Variants in ETFA observed in about 807,000 individuals in gnomAD.
ETFA encodes electron transfer flavoprotein subunit alpha, mitochondrial.
A neutral mutation model predicts 46.2 loss-of-function variants in ETFA; 22 were observed. The ratio of observed to expected loss-of-function variants is 0.48; its 90% CI spans 0.34 to 0.68. The LOEUF (loss-of-function observed/expected upper bound fraction) is 0.68. Among genes scored for constraint, ETFA ranks in the 30% least tolerant of loss-of-function variants. The probability of loss-of-function intolerance (pLI) is 0.01; values close to 1 mark genes in which losing one functional copy is unlikely to be tolerated. For missense variants in ETFA, 345 were observed against 401.1 expected (o/e 0.86, Z 1.19); for synonymous variants, 131 against 139.9 (o/e 0.94, Z 0.45).
intron 9 of ETFA, among the ~76,000 whole-genome samples, chr15:76,269,982 A>C (rs2141509829): frequency 6.6e-6 from 1 of 152,348 alleles, no homozygotes. Flanking sequence ...ATGGCCAATA[A>C]TACAACGTGC....
At chr15:76,310,369 GAAAAA>G (rs34111559) in intron 1 of ETFA, among the ~76,000 whole-genome samples, 2,218 of 104,428 alleles carry the variant, frequency 0.021, 38 homozygotes, top group African/African-American at 0.036. Flanking sequence ...TCCATGCCCA[GAAAAA>G]AAAAAAAAAA....
chr15:76,263,182 G>C (rs1418488698), intron 9 of ETFA, among the ~76,000 whole-genome samples: 3 of 152,152 alleles, frequency 2.0e-5, no homozygotes, highest in Non-Finnish European at 2.9e-5. Context: ...TAAATAGTGT[G>C]GGCTTCCAGA....
At chr15:76,263,445 C>G (rs184824771) in intron 9 of ETFA, among the ~76,000 whole-genome samples, 8 of 152,336 alleles carry the variant, frequency 5.3e-5, no homozygotes, top group African/African-American at 1.9e-4. Flanking sequence ...GGTGAGGAAG[C>G]TGAGCGCTTG....
chr15:76,231,243 C>T, intron 10 of ETFA, 90 bp downstream of exon 10: 1 of 823,040 alleles, frequency 1.2e-6, no homozygotes. Flanking sequence ...GGCTTGACTA[C>T]ATGCATTGTA....
At chr15:76,228,915 C>A in intron 10 of ETFA, 1 of 154,376 alleles carries the variant, frequency 6.5e-6, no homozygotes, top group South Asian at 1.9e-4. Flanking sequence ...CCACCATGCC[C>A]AGCTAATTTT....
At chr15:76,261,239 G>A in intron 9 of ETFA, 10 of 1,569,104 alleles carry the variant, frequency 6.4e-6, no homozygotes, top group Non-Finnish European at 8.8e-6. Context: ...CAAGACAGTT[G>A]GAAAGGGGCA....
chr15:76,231,055 T>C (rs1352224494), intron 10 of ETFA: 4 of 394,090 alleles, frequency 1.0e-5, no homozygotes, highest in Non-Finnish European at 1.8e-5. Context: ...CACTATTTAG[T>C]AGACAAAGAA....
chr15:76,231,171 T>C, intron 10 of ETFA, 162 bp downstream of exon 10: 1 of 631,904 alleles, frequency 1.6e-6, no homozygotes, highest in Non-Finnish European at 2.9e-6. Context: ...GACCAATAAT[T>C]TTTAAGGCAG....
chr15:76,293,115 C>T (rs962038081), intron 2 of ETFA, among the ~76,000 whole-genome samples: 5 of 152,024 alleles, frequency 3.3e-5, no homozygotes, highest in Non-Finnish European at 5.9e-5. Flanking sequence ...CCAGACTGGG[C>T]GAAAGAGTGA....
intron 9 of ETFA, among the ~76,000 whole-genome samples, chr15:76,240,069 T>C (rs2039169839): frequency 6.6e-6 from 1 of 152,248 alleles, no homozygotes. Context: ...TGATGATGTT[T>C]CTTTCTTTTA....
chr15:76,235,461 T>C (rs1020236692), intron 9 of ETFA, among the ~76,000 whole-genome samples: 1 of 151,986 alleles, frequency 6.6e-6, no homozygotes, highest in African/African-American at 2.4e-5. Context: ...TACAAAAGAG[T>C]TGTGTGGACT....
chr15:76,295,936 C>CTTTTTGTTTTTTTTTTTTTTTTTTTTT (rs2039816595), intron 1 of ETFA, among the ~76,000 whole-genome samples, 199 bp from the exon 2 acceptor site: 1 of 46,602 alleles, frequency 2.1e-5, no homozygotes, highest in Admixed American at 4.0e-4. Context: ...CACTAATATT[C>CTTTTTGTTTTTTTTTTTTTTTTTTTTT]TTTTTTTTTT....
chr15:76,218,003 C>T (rs1029200144), intron 11 of ETFA, among the ~76,000 whole-genome samples: 3 of 152,252 alleles, frequency 2.0e-5, no homozygotes, highest in Admixed American at 6.5e-5. Context: ...GCTGGCACCA[C>T]TTCTCCCAGC....
At position 76,235,145 on chromosome 15, in the gene ETFA, ACTC is replaced by A. The variant is rs201711720; in HGVS notation, c.817-3750_817-3748del. The stretch of plus-strand genomic sequence containing the variant: ...CATCCAAAACACTGGAATTATAAGA[ACTC>A]CTGCTTTATAGGGTTACTGTTGAGG... On this transcript the variant is annotated intron_variant, in intron 9 of 11. Transcript: ENST00000557943. Among the ~76,000 whole-genome samples, 604 of 151,832 alleles carry A rather than the reference ACTC, an allele frequency of 4.0e-3. 3 individuals carry two copies. The highest frequency in any genetic ancestry group is 0.014 in the African/African-American group (570 of 41,388).
Position 76,216,562 on chromosome 15 carries a change from T to C in ETFA, c.999A>G (p.Lys333=). Residue 333 remains lysine, a synonymous_variant, in exon 12 of 12, where the codon AAA becomes AAG. Transcript: ENST00000557943. ...CTTTTTAAGGCATGATCCTGATTCA[T>C]TTTTTCTTCAATATCTCAGTCATTT... is the stretch of plus-strand genomic sequence containing the variant. ...VPEMTEILKK[K] is the part of the protein sequence containing the mutation. 1 of 1,577,198 alleles carries C rather than the reference T, an allele frequency of 6.3e-7. No individual in the cohort carries two copies.
rs1166705959 is a variant in ETFA, at chr15:76,295,604, G to C, written c.173C>G (p.Thr58Ser). 3 of 1,613,488 alleles carry C rather than the reference G, an allele frequency of 1.9e-6. No homozygotes were observed. Among genetic ancestry groups the C allele is most frequent in the African/African-American group, 2.7e-5 (2 of 74,830 alleles). Residue 58 changes from threonine to serine, a missense_variant, in exon 2 of 12, where the codon ACC (threonine) becomes AGC (serine). Physicochemically the swap from Thr to Ser is moderately conservative, Grantham distance 58. Coordinates refer to ENST00000557943, the MANE Select transcript of ETFA (RefSeq NM_000126.4). ...GGEVSCLVAG[T>S]KCDKVAQDLC... is the part of the protein sequence containing the mutation. ...AAAATTTCTCACCTTGTCACATTTG[G>C]TTCCAGCTACTAAGCAGGACACTTC...
At chr15:76,281,953 G>GAGT (rs1420678886) in intron 8 of ETFA, among the ~76,000 whole-genome samples, 1 of 144,226 alleles carries the variant, frequency 6.9e-6, no homozygotes, top group Non-Finnish European at 1.5e-5. Flanking sequence ...ACCCAGGCTG[G>GAGT]AGTACAGTGG....
At chr15:76,227,535 G>C (rs1355441418) in intron 10 of ETFA, among the ~76,000 whole-genome samples, 1 of 78,324 alleles carries the variant, frequency 1.3e-5, no homozygotes. Flanking sequence ...AAAAGGAAAA[G>C]CTATCATTCA....
intron 4 of ETFA, among the ~76,000 whole-genome samples, chr15:76,288,920 C>CTTTTTTT (rs35295593): frequency 0.2 from 21,957 of 109,834 alleles, 3,266 homozygotes; most frequent in East Asian, 0.46. Flanking sequence ...TCTTCTTCTT[C>CTTTTTTT]TTTTTTTTTT....
Sources: allele counts gnomAD v4.1 joint callset (sites outside exome capture counted in the v4.1 genomes callset), GRCh38; gene constraint gnomAD v4.1.1; transcripts MANE v1.5; gene names NCBI Gene and HGNC (gene_info 2026-07-23, HGNC 2026-07-21).